ADGRA3: variants seen among roughly 807,000 people sequenced by gnomAD.
The protein encoded by ADGRA3 is adhesion G protein-coupled receptor A3.
In ADGRA3, 56 loss-of-function variants were observed where a neutral mutation model predicts 119.8. That is an observed-to-expected ratio of 0.47 (90% CI 0.38 to 0.58). The LOEUF is 0.58. Among genes scored for constraint, ADGRA3 ranks in the 20% least tolerant of loss-of-function variants. ADGRA3 has a pLI of 0.00. For synonymous variants in ADGRA3, 607 were observed against 623.8 expected, an observed-to-expected ratio of 0.97 and a Z score of 0.40; for missense variants, 1,516 against 1,649.0, an observed-to-expected ratio of 0.92 and a Z score of 1.40.
chr4:22,444,669 C>T (rs1346940498), intron 6 of ADGRA3, among the ~76,000 whole-genome samples: 1 of 152,040 alleles, frequency 6.6e-6, no homozygotes, highest in East Asian at 1.9e-4. Context: ...TGTGTTACTA[C>T]AGACAAATTC....
chr4:22,479,024 T>TA (rs886809132), intron 1 of ADGRA3, among the ~76,000 whole-genome samples: 10 of 151,546 alleles, frequency 6.6e-5, no homozygotes, highest in African/African-American at 2.2e-4. Flanking sequence ...AAGAATTCTC[T>TA]AAAAAAAAAC....
intron 1 of ADGRA3, among the ~76,000 whole-genome samples, chr4:22,494,552 C>A (rs933214508): frequency 6.6e-6 from 1 of 151,942 alleles, no homozygotes; most frequent in African/African-American, 2.4e-5. Context: ...GACCTCTTTC[C>A]TGTAACAATT....
chr4:22,484,518 T>A (rs1399155224), intron 1 of ADGRA3, among the ~76,000 whole-genome samples: 1 of 150,938 alleles, frequency 6.6e-6, no homozygotes, highest in Non-Finnish European at 1.5e-5. Context: ...AGCAAGAGAA[T>A]CGCTTGAGCC....
In ADGRA3 at chr4:22,513,863, A is replaced by C. The variant is rs1352440792; in HGVS notation, c.257+1665T>G. 4.6e-3 allele frequency among the ~76,000 whole-genome samples: 701 copies of C among 151,060 alleles called. 12 individuals are homozygous for C. The highest frequency in any genetic ancestry group is 0.016 in the African/African-American group (650 of 41,050). ...TTTCAGGCAAAAAAAAAAAAAAAAA[A>C]AAAAAAAAAAACTGGATTGAAATGA... On this transcript the variant is annotated intron_variant, in intron 1 of 18. Transcript: ENST00000334304.
intron 8 of ADGRA3, 83 bp downstream of exon 8, chr4:22,438,173 G>T (rs1025728181): frequency 8.5e-7 from 1 of 1,169,660 alleles, no homozygotes; most frequent in Admixed American, 1.9e-5. Flanking sequence ...TGTTACTCAG[G>T]ACAGGAAACC....
chr4:22,436,326 A>C, intron 9 of ADGRA3, 114 bp downstream of exon 9: 1 of 762,896 alleles, frequency 1.3e-6, no homozygotes, highest in African/African-American at 1.8e-5. Context: ...TAAAGTAAAA[A>C]CACAAAATCC....
intron 1 of ADGRA3, among the ~76,000 whole-genome samples, chr4:22,488,787 T>C (rs1228288379): frequency 3.3e-5 from 5 of 152,100 alleles, no homozygotes; most frequent in Non-Finnish European, 7.4e-5. Flanking sequence ...TTTACTTTAA[T>C]TCAGTAAACA....
At chr4:22,474,949 TC>T (rs1717985708) in intron 1 of ADGRA3, among the ~76,000 whole-genome samples, 1 of 152,160 alleles carries the variant, frequency 6.6e-6, no homozygotes, top group Non-Finnish European at 1.5e-5. Flanking sequence ...TACCTCTGGA[TC>T]AGAAGATTTT....
chr4:22,509,426 C>T (rs1165585305), intron 1 of ADGRA3, among the ~76,000 whole-genome samples: 1 of 151,324 alleles, frequency 6.6e-6, no homozygotes, highest in East Asian at 2.0e-4. Context: ...TCGCTTGAAC[C>T]TGGGAGGCGG....
chr4:22,433,420 C>G (rs991672009), intron 10 of ADGRA3, among the ~76,000 whole-genome samples: 1 of 152,170 alleles, frequency 6.6e-6, no homozygotes, highest in African/African-American at 2.4e-5. Flanking sequence ...TGTGCACATA[C>G]ACTTTTCAAA....
At chr4:22,479,295 C>T (rs1577373279) in intron 1 of ADGRA3, among the ~76,000 whole-genome samples, 1 of 152,074 alleles carries the variant, frequency 6.6e-6, no homozygotes, top group African/African-American at 2.4e-5. Context: ...AACACCATCT[C>T]TACTAAAAAT....
intron 3 of ADGRA3, among the ~76,000 whole-genome samples, chr4:22,460,709 C>T (rs1483491036): frequency 6.6e-6 from 1 of 152,194 alleles, no homozygotes; most frequent in Non-Finnish European, 1.5e-5. Context: ...TCTCAATAAA[C>T]TTGTTTTTCT....
At chr4:22,406,093 AC>A (rs1326554292) in intron 14 of ADGRA3, among the ~76,000 whole-genome samples, 2 of 152,150 alleles carry the variant, frequency 1.3e-5, no homozygotes, top group African/African-American at 4.8e-5. Flanking sequence ...GGCTTATTCC[AC>A]TTAACAAAAT....
At chr4:22,411,976 G>C (rs1041191174) in intron 14 of ADGRA3, among the ~76,000 whole-genome samples, 1 of 151,766 alleles carries the variant, frequency 6.6e-6, no homozygotes, top group Middle Eastern at 3.2e-3. Context: ...AAACATACAA[G>C]AGTCAAAGAA....
At chr4:22,436,137 A>C (rs1045092979) in intron 9 of ADGRA3, among the ~76,000 whole-genome samples, 1 of 152,130 alleles carries the variant, frequency 6.6e-6, no homozygotes, top group Non-Finnish European at 1.5e-5. Flanking sequence ...AATGAATCCA[A>C]GAGGTGGCTT....
Position 22,388,589 on chromosome 4 carries a change from TA to T in ADGRA3, c.3081del (p.Phe1027LeufsTer10). ...VSLYYPLDLV[F>X]SFVFGATSLS... Reference sequence around the variant, plus strand: ...AAACTTGTGGCTCCAAAAACGAAGCTAAAAACCAAGTCCAAAGGGTAATACA... The same window carrying T: ...AAACTTGTGGCTCCAAAAACGAAGCTAAAACCAAGTCCAAAGGGTAATACA... On this transcript the variant is annotated frameshift_variant, in exon 19 of 19. Coordinates refer to ENST00000334304, the MANE Select transcript of ADGRA3 (RefSeq NM_145290.4). LOFTEE classifies it high-confidence loss of function. 1 of 1,614,008 alleles carries T rather than the reference TA, an allele frequency of 6.2e-7. No individual in the cohort carries two copies. The highest frequency in any genetic ancestry group is 8.5e-7 in the Non-Finnish European group (1 of 1,180,000).
chr4:22,459,074 G>A (rs1717349657), intron 3 of ADGRA3, among the ~76,000 whole-genome samples: 2 of 152,098 alleles, frequency 1.3e-5, no homozygotes, highest in Admixed American at 6.6e-5. Context: ...CCTTAAGGCT[G>A]CCTGAGAGAG....
At chr4:22,481,640 G>T (rs960779490) in intron 1 of ADGRA3, among the ~76,000 whole-genome samples, 1 of 152,124 alleles carries the variant, frequency 6.6e-6, no homozygotes. Flanking sequence ...TAAAACAGAC[G>T]TGTACAAAGG....
chr4:22,509,346 C>T (rs1240686790), intron 1 of ADGRA3, among the ~76,000 whole-genome samples: 2 of 151,574 alleles, frequency 1.3e-5, no homozygotes, highest in African/African-American at 4.8e-5. Flanking sequence ...ACTAAAGATC[C>T]AAAAAAATTA....
Sources: allele counts gnomAD v4.1 joint callset (sites outside exome capture counted in the v4.1 genomes callset), GRCh38; gene constraint gnomAD v4.1.1; transcripts MANE v1.5; gene names NCBI Gene and HGNC (gene_info 2026-07-23, HGNC 2026-07-21).